FAM193A: variants seen among roughly 807,000 people sequenced by gnomAD.
FAM193A encodes protein FAM193A.
Under a neutral mutation model 126.5 loss-of-function variants are expected in FAM193A, and 22 were observed. The observed-to-expected ratio is 0.17, with a 90% confidence interval of 0.12 to 0.25. FAM193A has a LOEUF of 0.25. Among genes scored for constraint, FAM193A ranks in the 10% least tolerant of loss-of-function variants. The pLI is 1.00. For synonymous variants in FAM193A, 761 were observed against 646.8 expected (o/e 1.18, Z -2.68); for missense variants, 1,675 against 1,672.8 (o/e 1.00, Z -0.02).
At chr4:2,730,775 CCTAA>C (rs781629994) in intron 20 of FAM193A, among the ~76,000 whole-genome samples, 2 of 152,124 alleles carry the variant, frequency 1.3e-5, no homozygotes, top group East Asian at 1.9e-4. Context: ...CACCTGTAGT[CCTAA>C]CTATTTGGGA....
rs1174859325 is a variant in FAM193A, at chr4:2,660,256, A to G, written c.1745+202A>G. ...ACTGTTTATCTGGGAAAAAAAAAAC[A>G]TGGTAAATTAATAAAGGCCAGTAAA... On this transcript the variant is annotated intron_variant, in intron 10 of 20. Coordinates refer to ENST00000637812, the MANE Select transcript of FAM193A (RefSeq NM_001366318.2). Among the ~76,000 whole-genome samples, 5 of 152,184 alleles carry G rather than the reference A, an allele frequency of 3.3e-5. No individual in the cohort carries two copies. In the East Asian group the frequency reaches 9.6e-4, roughly 29 times the overall value.
intron 1 of FAM193A, among the ~76,000 whole-genome samples, chr4:2,546,635 GT>G (rs1737570914): frequency 6.6e-6 from 1 of 152,150 alleles, no homozygotes; most frequent in African/African-American, 2.4e-5. Context: ...GTAGTATTCT[GT>G]TGTATAAATG....
intron 1 of FAM193A, among the ~76,000 whole-genome samples, chr4:2,549,427 C>T (rs1274017090): frequency 1.4e-4 from 17 of 120,324 alleles, no homozygotes; most frequent in Non-Finnish European, 2.1e-4. Context: ...GACGGAGTCT[C>T]GCTCTGTCGC....
rs190396854 is a variant in FAM193A, at chr4:2,579,328, C to G, written c.256-16756C>G. Among the ~76,000 whole-genome samples the G allele has an allele frequency of 3.1e-3, 465 of 151,924 alleles. 1 individual carries two copies. The highest frequency in any genetic ancestry group is 5.3e-3 in the Non-Finnish European group (363 of 67,972). Reference sequence around the variant, plus strand: ...TGGCCAACATGGTGAAACCCCATCTCTACTGAAAAATACAAAAAAAATTAG... The same window carrying G: ...TGGCCAACATGGTGAAACCCCATCTGTACTGAAAAATACAAAAAAAATTAG... On this transcript the variant is annotated intron_variant, in intron 1 of 20. Transcript: ENST00000637812.
At chr4:2,659,724 T>C in intron 9 of FAM193A, 54 bp downstream of exon 9, 1 of 1,609,218 alleles carries the variant, frequency 6.2e-7, no homozygotes, top group Non-Finnish European at 8.5e-7. Context: ...TTCACTGGGC[T>C]GAGTGGAGGC....
chr4:2,544,925 T>A (rs938971054), intron 1 of FAM193A, among the ~76,000 whole-genome samples: 3 of 152,074 alleles, frequency 2.0e-5, no homozygotes, highest in Non-Finnish European at 4.4e-5. Flanking sequence ...TTCCCTCATC[T>A]CCTTCATGGT....
rs1740494120 is a variant in FAM193A, at chr4:2,590,495, AC to A, written c.256-5588del. On this transcript the variant is annotated intron_variant, in intron 1 of 20. Transcript: ENST00000637812. ...AAAAAACAAAAAAAAACAAAAAAAAACAAAAAAAAACAAAAAAAAAACAAAA... is the reference window on the plus strand; with the variant it reads ...AAAAAACAAAAAAAAACAAAAAAAAAAAAAAAAAACAAAAAAAAAACAAAA... Among the ~76,000 whole-genome samples the A allele has an allele frequency of 1.0e-3, 101 of 97,896 alleles. 7 individuals are homozygous for A. Among genetic ancestry groups the A allele is most frequent in the African/African-American group, 1.8e-3 (26 of 14,690 alleles). The allele number at this position is 97,896 out of a possible 152,430, so 64.2% of individuals were successfully genotyped here.
intron 1 of FAM193A, among the ~76,000 whole-genome samples, chr4:2,539,513 T>C (rs545770952): frequency 6.6e-6 from 1 of 152,168 alleles, no homozygotes; most frequent in East Asian, 1.9e-4. Context: ...CTCCAATTTC[T>C]GGGCTAAGCA....
intron 2 of FAM193A, among the ~76,000 whole-genome samples, chr4:2,621,181 T>A (rs942439882): frequency 3.3e-5 from 5 of 152,106 alleles, no homozygotes; most frequent in Admixed American, 2.6e-4. Context: ...GGAGACCCCT[T>A]CTTCTTCACC....
At chr4:2,551,973 T>C (rs1189750010) in intron 1 of FAM193A, among the ~76,000 whole-genome samples, 1 of 150,570 alleles carries the variant, frequency 6.6e-6, no homozygotes, top group Non-Finnish European at 1.5e-5. Context: ...CCTGAGCGGC[T>C]GGGACTACAG....
chr4:2,542,435 C>T (rs961752699), intron 1 of FAM193A, among the ~76,000 whole-genome samples: 2 of 152,230 alleles, frequency 1.3e-5, no homozygotes, highest in Non-Finnish European at 2.9e-5. Context: ...TGAGCCACTG[C>T]ACCTGGCCGA....
intron 1 of FAM193A, among the ~76,000 whole-genome samples, chr4:2,549,393 T>TC (rs1385830679): frequency 1.7e-3 from 252 of 148,188 alleles, no homozygotes; most frequent in African/African-American, 4.8e-3. Flanking sequence ...TTTTCTTTTT[T>TC]TCTTTTTTTT....
chr4:2,637,364 A>G (rs1212286016), intron 5 of FAM193A, among the ~76,000 whole-genome samples: 1 of 152,154 alleles, frequency 6.6e-6, no homozygotes, highest in Non-Finnish European at 1.5e-5. Context: ...TTTTAAAAGA[A>G]ATCTAAAAAA....
chr4:2,555,344 T>A (rs532381894), intron 1 of FAM193A, among the ~76,000 whole-genome samples: 1 of 152,330 alleles, frequency 6.6e-6, no homozygotes, highest in East Asian at 1.9e-4. Context: ...CTGGGCTCTA[T>A]GGCTCACACC....
At chr4:2,688,060 A>G (rs1715944456) in intron 13 of FAM193A, among the ~76,000 whole-genome samples, 1 of 152,120 alleles carries the variant, frequency 6.6e-6, no homozygotes. Context: ...ATCCCAGAGG[A>G]TGTGATGACC....
At chr4:2,550,039 T>TC (rs1327721843) in intron 1 of FAM193A, among the ~76,000 whole-genome samples, 1 of 148,638 alleles carries the variant, frequency 6.7e-6, no homozygotes, top group Non-Finnish European at 1.5e-5. Flanking sequence ...TTTTTTTTTT[T>TC]TTAATTTTAA....
intron 1 of FAM193A, among the ~76,000 whole-genome samples, chr4:2,567,786 G>A (rs1481614059): frequency 1.3e-5 from 2 of 152,070 alleles, no homozygotes; most frequent in African/African-American, 4.8e-5. Context: ...CAGGATATGT[G>A]TGCTCAGGCC....
At position 2,567,474 on chromosome 4, in the gene FAM193A, A is replaced by C. The variant is rs376882688; in HGVS notation, c.256-28610A>C. 1.1e-4 allele frequency among the ~76,000 whole-genome samples: 17 copies of C among 152,178 alleles called. No individual in the cohort carries two copies. In the East Asian group the frequency reaches 1.9e-3, roughly 17 times the overall value. On this transcript the variant is annotated intron_variant, in intron 1 of 20. Coordinates refer to ENST00000637812, the MANE Select transcript of FAM193A (RefSeq NM_001366318.2). ...ACTCCTAAGATCTGGTTTTAACACA[A>C]AGTATTCAACCAAGATTTTTAAAAT...
chr4:2,596,890 C>T (rs1039251100), intron 2 of FAM193A, among the ~76,000 whole-genome samples: 1 of 152,118 alleles, frequency 6.6e-6, no homozygotes, highest in Non-Finnish European at 1.5e-5. Flanking sequence ...TATTTGAGAC[C>T]CCACATTCTA....
Sources: gnomAD v4.1 joint callset for allele counts (sites outside exome capture counted in the v4.1 genomes callset) on GRCh38, gnomAD v4.1.1 for gene constraint, MANE v1.5 for transcripts, NCBI Gene and HGNC (gene_info 2026-07-23, HGNC 2026-07-21) for gene names.